Variants in KIAA0319L observed in about 807,000 individuals in gnomAD.
KIAA0319L encodes KIAA0319 like, also known as dyslexia-associated protein KIAA0319-like protein.
In KIAA0319L, 55 loss-of-function variants were observed where a neutral mutation model predicts 120.1. That is an observed-to-expected ratio of 0.46 (90% confidence interval 0.37 to 0.57). KIAA0319L has a LOEUF of 0.57. Ranked by LOEUF, KIAA0319L falls within the 20% of genes least tolerant of loss-of-function variation. The pLI, the probability that KIAA0319L is intolerant of heterozygous loss-of-function variation, is 0.00. For missense variants in KIAA0319L, 1,049 were observed against 1,255.3 expected (o/e 0.84, Z 2.48); for synonymous variants, 398 against 471.9 (o/e 0.84, Z 2.03).
chr1:35,479,094 G>A lies in KIAA0319L; in HGVS notation c.785C>T (p.Pro262Leu), dbSNP rs368546533. ...AGAACTTTTTACTTGTTGAGTGCTG[G>A]GCGTAGTAGCAAGACCCTCTGATAT... is the stretch of plus-strand genomic sequence containing the variant. The part of the protein sequence containing the change: ...PEISEGLATT[P>L]STQQVKSSEK... Residue 262 changes from proline (P) to leucine (L), a missense_variant, in exon 4 of 21, where the codon CCC becomes CTC. Physicochemically the swap from Pro to Leu is moderately conservative, Grantham distance 98. Transcript: ENST00000325722. 5.0e-6 allele frequency: 8 copies of A among 1,614,002 alleles called. No individual in the cohort carries two copies. The highest frequency in any genetic ancestry group is 6.8e-6 in the Non-Finnish European group (8 of 1,180,028).
At position 35,444,225 on chromosome 1, in the gene KIAA0319L, C is replaced by G. The variant is rs1194569222; in HGVS notation, c.2592G>C (p.Lys864Asn). The change falls in exon 17 of 21, where the codon AAG (lysine) becomes AAC (asparagine). Residue 864 changes from lysine (K) to asparagine (N), a missense_variant. Lys to Asn is a moderately conservative substitution (Grantham distance 94). Coordinates refer to ENST00000325722, the MANE Select transcript of KIAA0319L (RefSeq NM_024874.5). ...CTGCCTTTTGCTTCCGCAGCTCACT[C>G]TTGAGCATCGCTGCCACCTCATGGC... ...FKGHEVAAML[K>N]SELRKQKADF... 6.2e-7 allele frequency: 1 copy of G among 1,610,422 alleles called. No individual in the cohort carries two copies. Among genetic ancestry groups the G allele is most frequent in the Non-Finnish European group, 8.5e-7 (1 of 1,178,562 alleles).
At chr1:35,436,309 C>A (rs1048111473) in intron 20 of KIAA0319L, among the ~76,000 whole-genome samples, 9 of 152,238 alleles carry the variant, frequency 5.9e-5, no homozygotes, top group Admixed American at 4.6e-4. Flanking sequence ...ACAGCTGTGC[C>A]TGTGCCACAT....
chr1:35,449,946 T>C lies in KIAA0319L; in HGVS notation c.2274A>G (p.Gly758=), dbSNP rs1443719263. The C allele has an allele frequency of 1.2e-6, 2 of 1,614,040 alleles. No individual in the cohort carries two copies. The highest frequency in any genetic ancestry group is 3.3e-5 in the Admixed American group (2 of 59,994). Residue 758 remains glycine, a synonymous_variant, in exon 15 of 21, where the codon GGA becomes GGG. Transcript: ENST00000325722. ...PILFLSNLVE[G]TYTFHLKVTD... is the part of the protein sequence containing the mutation. ...TCACTTTCAGGTGAAAAGTGTAGGT[T>C]CCCTCAACCAGGTTTGAAAGAAAAA...
intron 3 of KIAA0319L, among the ~76,000 whole-genome samples, chr1:35,497,196 G>A (rs2148372532): frequency 6.6e-6 from 1 of 151,254 alleles, no homozygotes; most frequent in East Asian, 1.9e-4. Context: ...AGTTTTGGGG[G>A]GGTGATAGAA....
chr1:35,511,950 G>T (rs1184326801), intron 2 of KIAA0319L, among the ~76,000 whole-genome samples: 1 of 151,978 alleles, frequency 6.6e-6, no homozygotes, highest in Non-Finnish European at 1.5e-5. Flanking sequence ...AGCTATTTTT[G>T]TTTGTCCACA....
intron 9 of KIAA0319L, 127 bp from the exon 10 acceptor site, chr1:35,456,368 A>T: frequency 1.6e-6 from 1 of 607,984 alleles, no homozygotes; most frequent in Non-Finnish European, 2.8e-6. Context: ...ACCCACTTCT[A>T]TTGGAGAAGC....
chr1:35,457,885 G>A (rs1448866952), intron 9 of KIAA0319L, among the ~76,000 whole-genome samples: 2 of 152,180 alleles, frequency 1.3e-5, no homozygotes, highest in Non-Finnish European at 2.9e-5. Context: ...ATTTACAGAA[G>A]TTTTGCCTCT....
At chr1:35,454,515 T>G (rs754135217) in intron 10 of KIAA0319L, 30 bp from the exon 11 acceptor site, 1 of 1,609,978 alleles carries the variant, frequency 6.2e-7, no homozygotes, top group East Asian at 2.2e-5. Context: ...AGTGGAAAAG[T>G]GGACTCCAGG....
intron 9 of KIAA0319L, among the ~76,000 whole-genome samples, chr1:35,456,747 G>A (rs537894763): frequency 1.3e-5 from 2 of 151,756 alleles, no homozygotes; most frequent in East Asian, 3.9e-4. Flanking sequence ...GGAGGCGGAC[G>A]TTGCAGTGAG....
intron 4 of KIAA0319L, among the ~76,000 whole-genome samples, chr1:35,475,815 C>G (rs1033136759): frequency 6.6e-6 from 1 of 152,186 alleles, no homozygotes; most frequent in Non-Finnish European, 1.5e-5. Flanking sequence ...AACTTCCAAC[C>G]TGCCATTAGA....
Position 35,460,312 on chromosome 1 carries a change from T to TG in KIAA0319L, c.1419dup (p.Thr474HisfsTer10). On this transcript the variant is annotated frameshift_variant, in exon 9 of 21. Transcript: ENST00000325722. LOFTEE classifies it high-confidence loss of function. ...AGCTGAATCCTAATTTACCTGAAAG[T>TG]GTAGTTCCCAGGGACGAGTTTACTT... is the stretch of plus-strand genomic sequence containing the variant. 6.2e-7 allele frequency: 1 copy of TG among 1,611,366 alleles called. No individual in the cohort carries two copies. Among genetic ancestry groups the TG allele is most frequent in the South Asian group, 1.1e-5 (1 of 90,210 alleles).
At chr1:35,499,258 T>C (rs933420988) in intron 3 of KIAA0319L, among the ~76,000 whole-genome samples, 16 of 151,522 alleles carry the variant, frequency 1.1e-4, no homozygotes, top group Non-Finnish European at 2.1e-4. Flanking sequence ...AAAATTCGTA[T>C]GTTGAAATCT....
intron 2 of KIAA0319L, among the ~76,000 whole-genome samples, chr1:35,545,133 C>A (rs535552384): frequency 1.3e-5 from 2 of 152,196 alleles, no homozygotes; most frequent in Non-Finnish European, 2.9e-5. Flanking sequence ...CAAAGGCATG[C>A]GGCAAGACCA....
chr1:35,451,623 G>A lies in KIAA0319L; in HGVS notation c.2062+5C>T. The A allele has an allele frequency of 6.2e-7, 1 of 1,613,670 alleles. No homozygotes were observed. On this transcript the variant is annotated splice_donor_5th_base_variant and intron_variant, in intron 13 of 20. Coordinates refer to ENST00000325722, the MANE Select transcript of KIAA0319L (RefSeq NM_024874.5). ...CTGCTACACAAACTGGAGGCAGAGA[G>A]GTACCTTCTTTGACAATGACATTCA...
chr1:35,446,139 A>C (rs76472364), intron 16 of KIAA0319L, among the ~76,000 whole-genome samples: 1 of 151,774 alleles, frequency 6.6e-6, no homozygotes, highest in African/African-American at 2.4e-5. Context: ...ACTGAACTAT[A>C]ATCTCTGGGG....
intron 20 of KIAA0319L, chr1:35,435,410 A>C: frequency 4.6e-6 from 1 of 217,530 alleles, no homozygotes; most frequent in Non-Finnish European, 9.0e-6. Context: ...ATATTTTATC[A>C]CCTCCCTCTA....
intron 2 of KIAA0319L, among the ~76,000 whole-genome samples, chr1:35,546,806 A>G (rs1032014604): frequency 1.3e-5 from 2 of 152,072 alleles, no homozygotes; most frequent in Non-Finnish European, 2.9e-5. Flanking sequence ...TATAATAGAA[A>G]AGATGAATAA....
At chr1:35,488,868 C>T (rs1219948294) in intron 3 of KIAA0319L, among the ~76,000 whole-genome samples, 1 of 152,112 alleles carries the variant, frequency 6.6e-6, no homozygotes, top group Non-Finnish European at 1.5e-5. Context: ...TCAGTGGAAA[C>T]CAAATTCCAC....
rs1646810082 is a variant in KIAA0319L at position 35,541,938 on chromosome 1, A to T, written c.142+12412T>A. Among the ~76,000 whole-genome samples, 6 of 152,166 alleles carry T rather than the reference A, an allele frequency of 3.9e-5. No homozygotes were observed. In the South Asian group the frequency reaches 1.2e-3, roughly 31 times the overall value. On this transcript the variant is annotated intron_variant, in intron 2 of 20. Transcript: ENST00000325722. The stretch of plus-strand genomic sequence containing the variant: ...TCACGGAAAATGCACAATACAATTC[A>T]TTCTGTCATGGGCTTCAATTAGTCT...
Sources: allele counts gnomAD v4.1 joint callset (sites outside exome capture counted in the v4.1 genomes callset), GRCh38; gene constraint gnomAD v4.1.1; transcripts MANE v1.5; gene names NCBI Gene and HGNC (gene_info 2026-07-23, HGNC 2026-07-21).